The following ROBO2 variants were observed in gnomAD, a reference collection of about 807,000 sequenced individuals.
The protein encoded by ROBO2 is roundabout guidance receptor 2, also known as roundabout homolog 2.
In ROBO2, 53 loss-of-function variants were observed where a neutral mutation model predicts 160.8. That is an observed-to-expected ratio of 0.33 (90% CI 0.26 to 0.41). The LOEUF (loss-of-function observed/expected upper bound fraction) is 0.41. ROBO2 is among the 10% of genes least tolerant of loss of function. The probability of loss-of-function intolerance (pLI) is 1.00; values close to 1 mark genes in which losing one functional copy is unlikely to be tolerated. For missense variants in ROBO2, 1,577 were observed against 1,722.4 expected (o/e 0.92, Z 1.49); for synonymous variants, 664 against 611.7 (o/e 1.09, Z -1.26).
intron 2 of ROBO2, among the ~76,000 whole-genome samples, chr3:76,135,000 T>C (rs2071376896): frequency 6.6e-6 from 1 of 152,066 alleles, no homozygotes; most frequent in African/African-American, 2.4e-5. Flanking sequence ...ACAGGAAGGC[T>C]TTACTCACAG....
At chr3:76,998,581 T>C (rs1412850315) in intron 2 of ROBO2, among the ~76,000 whole-genome samples, 1 of 152,150 alleles carries the variant, frequency 6.6e-6, no homozygotes, top group African/African-American at 2.4e-5. Context: ...CTATGGAAAC[T>C]GAGGCTCATA....
chr3:77,178,917 T>C (rs75399494), intron 2 of ROBO2, among the ~76,000 whole-genome samples: 5,693 of 152,118 alleles, frequency 0.037, 154 homozygotes, highest in East Asian at 0.086. Context: ...TTAGTCTTAC[T>C]CGAGGCAGTT....
intron 2 of ROBO2, among the ~76,000 whole-genome samples, chr3:77,014,988 CAG>C (rs1228008915): frequency 2.0e-5 from 3 of 151,828 alleles, no homozygotes; most frequent in African/African-American, 7.3e-5. Context: ...GGTTTGAAGA[CAG>C]ATGTTCCTTT....
At chr3:76,117,856 G>A (rs2070545113) in intron 2 of ROBO2, among the ~76,000 whole-genome samples, 1 of 152,086 alleles carries the variant, frequency 6.6e-6, no homozygotes, top group Non-Finnish European at 1.5e-5. Context: ...ACTTTCACAG[G>A]AAAAGAGAGA....
chr3:76,619,349 A>AAG (rs1315594722), intron 2 of ROBO2, among the ~76,000 whole-genome samples: 179 of 151,944 alleles, frequency 1.2e-3, no homozygotes, highest in Admixed American at 6.7e-3. Context: ...CAAAAAAAAA[A>AAG]AAAGAAAAAA....
At chr3:77,540,397 T>A (rs775763) in intron 6 of ROBO2, among the ~76,000 whole-genome samples, 63,064 of 151,972 alleles carry the variant, frequency 0.41, 13,113 homozygotes, top group Admixed American at 0.48. Flanking sequence ...GGCATCTCAG[T>A]GTTTAAGAGT....
intron 2 of ROBO2, among the ~76,000 whole-genome samples, chr3:76,707,731 G>GTGTGTATATATATATATATATATATATA (rs376823667): frequency 7.5e-6 from 1 of 134,196 alleles, no homozygotes; most frequent in Non-Finnish European, 1.6e-5. Flanking sequence ...ACATGTGTGT[G>GTGTGTATATATATATATATATATATATA]TATATATATA....
At chr3:76,956,629 G>A (rs1034989209) in intron 2 of ROBO2, among the ~76,000 whole-genome samples, 1 of 151,806 alleles carries the variant, frequency 6.6e-6, no homozygotes, top group Non-Finnish European at 1.5e-5. Context: ...TTTCCCCAAG[G>A]AACCATACAA....
chr3:77,530,666 G>A (rs759391114), intron 6 of ROBO2, among the ~76,000 whole-genome samples: 4 of 151,872 alleles, frequency 2.6e-5, no homozygotes, highest in South Asian at 2.1e-4. Flanking sequence ...TTAATCTAAC[G>A]TTCATATTTG....
At chr3:76,268,846 G>C (rs1400998960) in intron 2 of ROBO2, among the ~76,000 whole-genome samples, 1 of 152,084 alleles carries the variant, frequency 6.6e-6, no homozygotes, top group Non-Finnish European at 1.5e-5. Flanking sequence ...AGGTAAATCA[G>C]AAAACTGAAA....
At chr3:77,444,456 G>T (rs1490368582) in intron 2 of ROBO2, among the ~76,000 whole-genome samples, 1 of 152,130 alleles carries the variant, frequency 6.6e-6, no homozygotes, top group Non-Finnish European at 1.5e-5. Flanking sequence ...CATGTAAACA[G>T]CCTCAATAAC....
chr3:76,666,942 A>T (rs1462146563), intron 2 of ROBO2, among the ~76,000 whole-genome samples: 2 of 143,170 alleles, frequency 1.4e-5, no homozygotes, highest in African/African-American at 5.0e-5. Context: ...TTCTATGTCT[A>T]TATATATATT....
At chr3:77,097,385 T>A (rs1247966462) in intron 1 of ROBO2, among the ~76,000 whole-genome samples, 1 of 152,206 alleles carries the variant, frequency 6.6e-6, no homozygotes, top group Non-Finnish European at 1.5e-5. Context: ...GCATTTCTTA[T>A]ATACCTCTAT....
intron 1 of ROBO2, among the ~76,000 whole-genome samples, chr3:77,053,768 A>T (rs1164608172): frequency 1.3e-5 from 2 of 152,210 alleles, no homozygotes; most frequent in East Asian, 3.8e-4. Context: ...TGGTATATAA[A>T]TGTAAACTAA....
intron 2 of ROBO2, among the ~76,000 whole-genome samples, chr3:76,909,932 G>C (rs1352106075): frequency 6.6e-6 from 1 of 152,174 alleles, no homozygotes; most frequent in Non-Finnish European, 1.5e-5. Flanking sequence ...AAGGGTTCCA[G>C]ATTTCCTTCT....
chr3:76,259,709 T>C (rs1355889066), intron 2 of ROBO2, among the ~76,000 whole-genome samples: 1 of 152,142 alleles, frequency 6.6e-6, no homozygotes. Flanking sequence ...GGTGGTTTCC[T>C]AAGCTTTGGG....
chr3:77,413,780 G>A (rs961722294), intron 2 of ROBO2, among the ~76,000 whole-genome samples: 3 of 152,222 alleles, frequency 2.0e-5, no homozygotes, highest in Non-Finnish European at 4.4e-5. Context: ...TGGAAGAACA[G>A]AATTGCCACT....
intron 2 of ROBO2, among the ~76,000 whole-genome samples, chr3:76,117,859 AAG>A (rs1385098708): frequency 1.3e-5 from 2 of 152,198 alleles, no homozygotes; most frequent in Non-Finnish European, 2.9e-5. Flanking sequence ...TTCACAGGAA[AAG>A]AGAGAACTGG....
At chr3:76,453,993 G>A (rs2077615415) in intron 2 of ROBO2, among the ~76,000 whole-genome samples, 1 of 152,116 alleles carries the variant, frequency 6.6e-6, no homozygotes, top group Non-Finnish European at 1.5e-5. Flanking sequence ...CCTGGGCCAT[G>A]CTCATTTCTG....
Sources: gnomAD v4.1 joint callset for allele counts (sites outside exome capture counted in the v4.1 genomes callset) on GRCh38, gnomAD v4.1.1 for gene constraint, MANE v1.5 for transcripts, NCBI Gene and HGNC (gene_info 2026-07-23, HGNC 2026-07-21) for gene names.